MYBL2: variants seen among roughly 807,000 people sequenced by gnomAD.
MYBL2 encodes the protein MYB proto-oncogene like 2.
A neutral mutation model predicts 79.9 loss-of-function variants in MYBL2; 28 were observed. The ratio of observed to expected loss-of-function variants is 0.35; its 90% CI spans 0.26 to 0.48. MYBL2 has a LOEUF of 0.48. Among genes scored for constraint, MYBL2 ranks in the 20% least tolerant of loss-of-function variants. MYBL2 has a pLI of 0.99. For synonymous variants in MYBL2, 378 were observed against 361.2 expected (o/e 1.05, Z -0.53); for missense variants, 735 against 893.9 (o/e 0.82, Z 2.27).
chr20:43,697,338 G>A (rs1181687441), intron 6 of MYBL2, among the ~76,000 whole-genome samples: 2 of 151,994 alleles, frequency 1.3e-5, no homozygotes, highest in East Asian at 1.9e-4. Context: ...GACCAGGGGC[G>A]GTGGCTCATG....
chr20:43,713,543 ACGC>A (rs1987961609), intron 12 of MYBL2, among the ~76,000 whole-genome samples: 1 of 151,494 alleles, frequency 6.6e-6, no homozygotes, highest in African/African-American at 2.4e-5. Context: ...ATGCATCACC[ACGC>A]CCGGCTAATT....
chr20:43,704,112 C>T lies in MYBL2; in HGVS notation c.1366-1107C>T, dbSNP rs1360160225. 2.0e-5 allele frequency among the ~76,000 whole-genome samples: 3 copies of T among 152,166 alleles called. No individual in the cohort carries two copies. In the East Asian group the frequency reaches 5.8e-4, roughly 29 times the overall value. ...CACTGCAATCTCCACCTTCCAGGTTCAAGGAATTTTCCTGCCTCAGGCTCC... is the reference window on the plus strand; with the variant it reads ...CACTGCAATCTCCACCTTCCAGGTTTAAGGAATTTTCCTGCCTCAGGCTCC... On this transcript the variant is annotated intron_variant, in intron 8 of 13. Transcript: ENST00000217026.
intron 5 of MYBL2, among the ~76,000 whole-genome samples, chr20:43,691,502 G>A (rs537806517): frequency 6.6e-6 from 1 of 151,226 alleles, no homozygotes; most frequent in African/African-American, 2.4e-5. Context: ...CAAAGTGCCA[G>A]GATTACAGGC....
At chr20:43,693,171 A>G (rs781579373) in intron 6 of MYBL2, among the ~76,000 whole-genome samples, 9 of 152,102 alleles carry the variant, frequency 5.9e-5, no homozygotes, top group Non-Finnish European at 8.8e-5. Flanking sequence ...AGCTGAGATT[A>G]CAGGCATGCA....
chr20:43,713,326 T>C (rs923819640), intron 12 of MYBL2, among the ~76,000 whole-genome samples: 2 of 152,108 alleles, frequency 1.3e-5, no homozygotes, highest in Non-Finnish European at 2.9e-5. Flanking sequence ...AGGACATGTT[T>C]TAAAAACATG....
chr20:43,668,806 G>T (rs6073171), intron 1 of MYBL2, among the ~76,000 whole-genome samples: 2 of 150,902 alleles, frequency 1.3e-5, no homozygotes, highest in Admixed American at 1.3e-4. Context: ...TCCCAACTCA[G>T]CCCGCTGGGA....
chr20:43,705,744 A>C (rs953483525), intron 9 of MYBL2, among the ~76,000 whole-genome samples: 4 of 151,204 alleles, frequency 2.6e-5, no homozygotes, highest in Non-Finnish European at 4.4e-5. Context: ...TCTGTTGCCC[A>C]GGCTGGAGTG....
rs765472789 is a variant in MYBL2, at chr20:43,681,776, G to T, written c.115-8G>T. ...TGTGCTGAGCCCCTGTCTTTCTGGT[G>T]TTGGCAGGACGAGCAGCTGAGGGCC... On this transcript the variant is annotated splice_polypyrimidine_tract_variant and splice_region_variant and intron_variant, in intron 2 of 13. Transcript: ENST00000217026. 2 of 1,614,238 alleles carry T rather than the reference G, an allele frequency of 1.2e-6. No homozygotes were observed. The highest frequency in any genetic ancestry group is 2.2e-5 in the South Asian group (2 of 91,088).
At chr20:43,667,375 C>G in intron 1 of MYBL2, 72 bp downstream of exon 1, 1 of 1,087,224 alleles carries the variant, frequency 9.2e-7, no homozygotes, top group Non-Finnish European at 1.2e-6. Context: ...CAGATACCCC[C>G]GACCCTCCCC....
intron 6 of MYBL2, among the ~76,000 whole-genome samples, chr20:43,692,781 A>T (rs1568863311): frequency 6.6e-6 from 1 of 151,984 alleles, no homozygotes; most frequent in Non-Finnish European, 1.5e-5. Flanking sequence ...CTTTTTAATT[A>T]AAAAAAATTA....
At chr20:43,675,668 C>A (rs1986989233) in intron 2 of MYBL2, among the ~76,000 whole-genome samples, 1 of 151,948 alleles carries the variant, frequency 6.6e-6, no homozygotes, top group African/African-American at 2.4e-5. Context: ...CCTGATTATC[C>A]CAAGAAGTTT....
At chr20:43,688,438 GC>G (rs1394915508) in intron 5 of MYBL2, among the ~76,000 whole-genome samples, 1 of 151,898 alleles carries the variant, frequency 6.6e-6, no homozygotes, top group Non-Finnish European at 1.5e-5. Flanking sequence ...TTGACCTCCT[GC>G]CCACCTCAGC....
At chr20:43,678,587 T>C (rs1354803293) in intron 2 of MYBL2, among the ~76,000 whole-genome samples, 2 of 152,018 alleles carry the variant, frequency 1.3e-5, no homozygotes, top group South Asian at 4.1e-4. Flanking sequence ...CCTGGCGCGG[T>C]GGCTCACGCC....
At chr20:43,686,346 G>T (rs919257283) in intron 4 of MYBL2, among the ~76,000 whole-genome samples, 1 of 152,122 alleles carries the variant, frequency 6.6e-6, no homozygotes, top group Non-Finnish European at 1.5e-5. Flanking sequence ...GGCTAGGTCA[G>T]CCCGCGATGC....
intron 12 of MYBL2, 68 bp from the exon 13 acceptor site, chr20:43,715,066 C>CG: frequency 4.4e-6 from 7 of 1,584,546 alleles, no homozygotes; most frequent in Non-Finnish European, 5.2e-6. Context: ...GGTGGGATTG[C>CG]GGGTTTTTTT....
rs1987293344 is a variant in MYBL2 at position 43,687,040 on chromosome 20, C to T, written c.468C>T (p.Arg156=). The change falls in exon 5 of 14, where the codon CGC becomes CGT. Residue 156 remains arginine, a synonymous_variant. Coordinates refer to ENST00000217026, the MANE Select transcript of MYBL2 (RefSeq NM_002466.4). ...ICEAHKVLGN[R]WAEIAKMLPG... ...AGGCCCACAAGGTGCTGGGCAACCG[C>T]TGGGCCGAGATCGCCAAGATGTTGC... is the stretch of plus-strand genomic sequence containing the variant. The T allele has an allele frequency of 1.2e-6, 2 of 1,613,470 alleles. No homozygotes were observed. Among genetic ancestry groups the T allele is most frequent in the Non-Finnish European group, 1.7e-6 (2 of 1,180,014 alleles).
chr20:43,714,446 TTA>T (rs769095672), intron 12 of MYBL2, among the ~76,000 whole-genome samples: 1 of 152,186 alleles, frequency 6.6e-6, no homozygotes, highest in Non-Finnish European at 1.5e-5. Context: ...CATTTATTGA[TTA>T]TGTTATTATG....
intron 12 of MYBL2, 150 bp downstream of exon 12, chr20:43,713,256 T>C (rs1987952903): frequency 9.6e-6 from 6 of 624,166 alleles, no homozygotes; most frequent in Non-Finnish European, 1.4e-5. Flanking sequence ...CACTCATGGC[T>C]TCAGTCAGCA....
At chr20:43,706,779 A>C (rs1289992839) in intron 9 of MYBL2, among the ~76,000 whole-genome samples, 5 of 130,420 alleles carry the variant, frequency 3.8e-5, no homozygotes, top group Non-Finnish European at 7.8e-5. Context: ...GCAGTGGTGC[A>C]ATCTCGGCTC....
Sources: allele counts gnomAD v4.1 joint callset (sites outside exome capture counted in the v4.1 genomes callset), GRCh38; gene constraint gnomAD v4.1.1; transcripts MANE v1.5; gene names NCBI Gene and HGNC (gene_info 2026-07-23, HGNC 2026-07-21).